The following GPC6 variants were observed in gnomAD, a reference collection of about 807,000 sequenced individuals.
GPC6 encodes glypican-6.
Under a neutral mutation model 55.2 loss-of-function variants are expected in GPC6, and 14 were observed. The observed-to-expected ratio is 0.25, with a 90% CI of 0.17 to 0.40. The LOEUF (loss-of-function observed/expected upper bound fraction) is 0.40. Ranked by LOEUF, GPC6 falls within the 10% of genes least tolerant of loss-of-function variation. The pLI is 1.00. For missense variants in GPC6, 641 were observed against 708.5 expected (o/e 0.90, Z 1.08); for synonymous variants, 278 against 259.6 (o/e 1.07, Z -0.68).
intron 1 of GPC6, among the ~76,000 whole-genome samples, chr13:93,271,189 C>T (rs1438122741): frequency 1.3e-5 from 2 of 152,130 alleles, no homozygotes; most frequent in Non-Finnish European, 2.9e-5. Context: ...AATGTCTCTA[C>T]AGGAAACTTT....
intron 6 of GPC6, among the ~76,000 whole-genome samples, chr13:94,331,744 T>C (rs1201004339): frequency 6.6e-6 from 1 of 152,188 alleles, no homozygotes; most frequent in Admixed American, 6.5e-5. Context: ...CAAAGATTTT[T>C]AGGCAAGATG....
rs75473771 is a variant in GPC6, at chr13:94,064,776, C to G, written c.877+36882C>G. On this transcript the variant is annotated intron_variant, in intron 4 of 8. Coordinates refer to ENST00000377047, the MANE Select transcript of GPC6 (RefSeq NM_005708.5). ...ATGCATCTTGCAAGATTTATCTTCT[C>G]TTGCCTGAATCCCTGACACAAACCA... 7.6e-3 allele frequency among the ~76,000 whole-genome samples: 1,150 copies of G among 152,216 alleles called. 16 individuals are homozygous for G. The highest frequency in any genetic ancestry group is 0.026 in the African/African-American group (1,061 of 41,538).
At position 93,932,979 on chromosome 13, in the gene GPC6, T is replaced by C. The variant is rs1303364436; in HGVS notation, c.712-94750T>C. The stretch of plus-strand genomic sequence containing the variant: ...TTTTTTGTTTTGTTTTGTTCTTTTT[T>C]TTTTTTTTTTTTTTCTGGAGTTTCT... On this transcript the variant is annotated intron_variant, in intron 3 of 8. Coordinates refer to ENST00000377047, the MANE Select transcript of GPC6 (RefSeq NM_005708.5). Among the ~76,000 whole-genome samples the C allele has an allele frequency of 2.0e-5, 3 of 149,448 alleles. No individual in the cohort carries two copies. The East Asian group carries it at 5.8e-4, about 29-fold the overall frequency.
intron 2 of GPC6, among the ~76,000 whole-genome samples, chr13:93,727,069 A>G (rs142852566): frequency 1.4e-3 from 218 of 152,288 alleles, no homozygotes; most frequent in African/African-American, 4.7e-3. Context: ...AAAGGTTTTA[A>G]GGAACAAATA....
intron 4 of GPC6, among the ~76,000 whole-genome samples, chr13:94,078,124 T>C (rs1348542787): frequency 6.6e-6 from 1 of 151,846 alleles, no homozygotes; most frequent in African/African-American, 2.4e-5. Flanking sequence ...ATTGGAAAAT[T>C]CACAAATATG....
intron 1 of GPC6, among the ~76,000 whole-genome samples, chr13:93,272,656 A>C (rs1265105155): frequency 6.6e-6 from 1 of 152,070 alleles, no homozygotes; most frequent in East Asian, 1.9e-4. Context: ...GAGCTCCAAC[A>C]ATTTGTTCTA....
intron 1 of GPC6, among the ~76,000 whole-genome samples, chr13:93,519,735 T>C (rs1881336466): frequency 1.3e-5 from 2 of 151,902 alleles, no homozygotes; most frequent in Non-Finnish European, 1.5e-5. Context: ...CCTAAATAGA[T>C]GAGGCTCTTT....
chr13:94,345,705 A>G (rs544322378), intron 6 of GPC6, among the ~76,000 whole-genome samples: 1 of 152,310 alleles, frequency 6.6e-6, no homozygotes, highest in Non-Finnish European at 1.5e-5. Flanking sequence ...TCCACCTGTC[A>G]GGGCTGGCTC....
At chr13:93,340,314 G>A (rs543709818) in intron 1 of GPC6, among the ~76,000 whole-genome samples, 1 of 152,210 alleles carries the variant, frequency 6.6e-6, no homozygotes, top group South Asian at 2.1e-4. Context: ...GATTATAGGC[G>A]TGAGCCACCG....
At chr13:94,182,175 A>T (rs987406786) in intron 4 of GPC6, among the ~76,000 whole-genome samples, 2 of 152,098 alleles carry the variant, frequency 1.3e-5, no homozygotes, top group African/African-American at 4.8e-5. Context: ...TGAAACAGGG[A>T]TACAGTGGAG....
At chr13:94,108,854 C>CAA (rs71126434) in intron 4 of GPC6, among the ~76,000 whole-genome samples, 1 of 145,296 alleles carries the variant, frequency 6.9e-6, no homozygotes, top group Admixed American at 6.8e-5. Flanking sequence ...AAAAAAAAAA[C>CAA]AAAAAAAAAA....
At chr13:93,854,974 A>G (rs1888548936) in intron 3 of GPC6, among the ~76,000 whole-genome samples, 1 of 151,576 alleles carries the variant, frequency 6.6e-6, no homozygotes, top group African/African-American at 2.4e-5. Flanking sequence ...CTCCCCTGGT[A>G]TCAATGTCCC....
chr13:93,833,645 C>G (rs1887617586), intron 3 of GPC6, among the ~76,000 whole-genome samples: 2 of 152,006 alleles, frequency 1.3e-5, no homozygotes, highest in South Asian at 4.2e-4. Context: ...TGAATATCTT[C>G]TAATTAATTG....
chr13:94,390,890 A>T (rs866708208), intron 7 of GPC6, among the ~76,000 whole-genome samples: 4 of 152,148 alleles, frequency 2.6e-5, no homozygotes, highest in Non-Finnish European at 4.4e-5. Flanking sequence ...TGGGAAAAAA[A>T]AAATAAATGT....
chr13:93,488,049 C>A (rs1000849491), intron 1 of GPC6, among the ~76,000 whole-genome samples: 13 of 152,112 alleles, frequency 8.5e-5, no homozygotes, highest in African/African-American at 3.1e-4. Flanking sequence ...ATACATGTGC[C>A]AAGTTGGTGT....
intron 6 of GPC6, among the ~76,000 whole-genome samples, chr13:94,376,570 A>C: frequency 6.6e-6 from 1 of 150,492 alleles, no homozygotes; most frequent in East Asian, 2.0e-4. Context: ...AAATGGAAGA[A>C]CATTCCATGC....
rs116648216 is a variant in GPC6, at chr13:94,121,049, C to G, written c.877+93155C>G. On this transcript the variant is annotated intron_variant, in intron 4 of 8. Coordinates refer to ENST00000377047, the MANE Select transcript of GPC6 (RefSeq NM_005708.5). ...AAAAGATTAATGGGAGGGAAACACC[C>G]AAAGGAAATGAGGCTAGAAAATGTT... is the stretch of plus-strand genomic sequence containing the variant. Among the ~76,000 whole-genome samples the G allele has an allele frequency of 6.2e-3, 949 of 152,124 alleles. 12 individuals carry two copies. Among genetic ancestry groups the G allele is most frequent in the African/African-American group, 0.022 (922 of 41,520 alleles).
chr13:93,541,732 G>A (rs1312712847), intron 1 of GPC6, among the ~76,000 whole-genome samples: 6 of 147,746 alleles, frequency 4.1e-5, no homozygotes, highest in African/African-American at 1.5e-4. Context: ...ACTGCTGTGA[G>A]ATGGTATCTC....
Position 93,493,773 on chromosome 13 carries a change from G to A in GPC6, c.161-51490G>A, listed in dbSNP as rs1287065535. On this transcript the variant is annotated intron_variant, in intron 1 of 8. Coordinates refer to ENST00000377047, the MANE Select transcript of GPC6 (RefSeq NM_005708.5). ...ACATCTTTATTTCTGCCTTCATTTC[G>A]TTATGTACCCAGTAGTCATTCAGGA... is the stretch of plus-strand genomic sequence containing the variant. Among the ~76,000 whole-genome samples the A allele has an allele frequency of 3.3e-5, 4 of 121,468 alleles. No homozygotes were observed. In the South Asian group the frequency reaches 9.1e-4, roughly 28 times the overall value. 79.7% of individuals were successfully genotyped at this position (121,468 alleles called of 152,430 possible).
Sources: allele counts gnomAD v4.1 joint callset (sites outside exome capture counted in the v4.1 genomes callset), GRCh38; gene constraint gnomAD v4.1.1; transcripts MANE v1.5; gene names NCBI Gene and HGNC (gene_info 2026-07-23, HGNC 2026-07-21).